TSPAN5: variants seen among roughly 807,000 people sequenced by gnomAD.
TSPAN5 encodes tetraspanin 5, also known as tetraspanin-5.
In TSPAN5, 10 loss-of-function variants were observed where a neutral mutation model predicts 37.1. The observed-to-expected ratio is 0.27, with a 90% confidence interval of 0.17 to 0.46. TSPAN5 has a LOEUF of 0.46. Ranked by LOEUF, TSPAN5 falls within the 20% of genes least tolerant of loss-of-function variation. The probability of loss-of-function intolerance (pLI) is 1.00; values close to 1 mark genes in which losing one functional copy is unlikely to be tolerated. For synonymous variants in TSPAN5, 110 were observed against 118.9 expected (o/e 0.93, Z 0.48); for missense variants, 195 against 326.6 (o/e 0.60, Z 3.11).
At chr4:98,476,095 G>A (rs1752689248) in intron 7 of TSPAN5, 94 bp downstream of exon 7, 1 of 906,256 alleles carries the variant, frequency 1.1e-6, no homozygotes, top group Non-Finnish European at 1.8e-6. Context: ...TAAAAACTAT[G>A]ACAATCAAGG....
intron 2 of TSPAN5, among the ~76,000 whole-genome samples, chr4:98,493,689 A>G (rs4073385): frequency 0.33 from 50,210 of 152,102 alleles, 9,228 homozygotes; most frequent in South Asian, 0.47. Context: ...GAATATATTC[A>G]TAAGAATTCT....
intron 1 of TSPAN5, among the ~76,000 whole-genome samples, chr4:98,541,394 G>A (rs750811848): frequency 2.0e-5 from 3 of 152,148 alleles, no homozygotes; most frequent in Non-Finnish European, 4.4e-5. Flanking sequence ...TGTGGGATAG[G>A]CTGGGCATGG....
intron 1 of TSPAN5, among the ~76,000 whole-genome samples, chr4:98,570,874 G>A (rs544447734): frequency 1.4e-4 from 21 of 151,980 alleles, no homozygotes; most frequent in South Asian, 2.1e-4. Context: ...TGAGCAACGC[G>A]TGCTGGGGCC....
chr4:98,589,168 C>T (rs1755565681), intron 1 of TSPAN5, among the ~76,000 whole-genome samples: 1 of 152,160 alleles, frequency 6.6e-6, no homozygotes, highest in South Asian at 2.1e-4. Flanking sequence ...ATGCTGGAAA[C>T]AAGTGGAAAC....
At chr4:98,563,256 C>T (rs572191653) in intron 1 of TSPAN5, among the ~76,000 whole-genome samples, 2 of 151,938 alleles carry the variant, frequency 1.3e-5, no homozygotes, top group African/African-American at 2.4e-5. Context: ...GAGAAGAAAC[C>T]GGGAGAAGGC....
At chr4:98,581,089 A>G (rs1367125134) in intron 1 of TSPAN5, among the ~76,000 whole-genome samples, 1 of 152,212 alleles carries the variant, frequency 6.6e-6, no homozygotes, top group African/African-American at 2.4e-5. Flanking sequence ...TGGCACTGAG[A>G]GGCCCACCAT....
chr4:98,615,254 C>G (rs972528105), intron 1 of TSPAN5, among the ~76,000 whole-genome samples: 2 of 152,222 alleles, frequency 1.3e-5, no homozygotes, highest in Non-Finnish European at 2.9e-5. Context: ...CCACAACCTT[C>G]CTACAACTGG....
rs1257541381 is a variant in TSPAN5, at chr4:98,472,462, C to G, written c.*60G>C. 6.6e-7 allele frequency: 1 copy of G among 1,513,362 alleles called. No homozygotes were observed. Among genetic ancestry groups the G allele is most frequent in the Non-Finnish European group, 9.1e-7 (1 of 1,092,932 alleles). 93.7% of individuals were successfully genotyped at this position (1,513,362 alleles called of 1,614,324 possible). ...ATGCAGCTCGAAGATCAGTTCGGCA[C>G]GCGGGAGGGTCCCGAAAGCTGGGTC... On this transcript the variant is annotated 3_prime_UTR_variant, in exon 8 of 8. Transcript: ENST00000305798.
chr4:98,546,235 A>T (rs1301137209), intron 1 of TSPAN5, among the ~76,000 whole-genome samples: 1 of 152,186 alleles, frequency 6.6e-6, no homozygotes, highest in African/African-American at 2.4e-5. Flanking sequence ...TCGCTCTTAA[A>T]TCACTATGCT....
intron 1 of TSPAN5, among the ~76,000 whole-genome samples, chr4:98,541,119 C>T (rs1194067879): frequency 1.3e-5 from 2 of 152,138 alleles, no homozygotes; most frequent in Admixed American, 6.6e-5. Flanking sequence ...AACCATCTAC[C>T]TTGTTGGTGC....
intron 1 of TSPAN5, among the ~76,000 whole-genome samples, chr4:98,557,228 A>G (rs1305766754): frequency 2.0e-5 from 3 of 152,246 alleles, no homozygotes; most frequent in Non-Finnish European, 2.9e-5. Flanking sequence ...GTATAGTAAC[A>G]TATAAAATAC....
chr4:98,556,160 T>C (rs1348971021), intron 1 of TSPAN5, among the ~76,000 whole-genome samples: 1 of 151,932 alleles, frequency 6.6e-6, no homozygotes, highest in African/African-American at 2.4e-5. Context: ...TGGCCCCAGA[T>C]GCAGAGACAT....
In TSPAN5 at chr4:98,543,577, G is replaced by A. The variant is rs375077676; in HGVS notation, c.82-35849C>T. ...ATTACAGGCTCCCGACACCACGCCA[G>A]GCTAATTTTTTTTTGTATTTTTAGC... On this transcript the variant is annotated intron_variant, in intron 1 of 7. Coordinates refer to ENST00000305798, the MANE Select transcript of TSPAN5 (RefSeq NM_005723.4). 1.5e-4 allele frequency among the ~76,000 whole-genome samples: 23 copies of A among 151,104 alleles called. No homozygotes were observed. In the East Asian group the frequency reaches 3.9e-3, roughly 26 times the overall value.
At position 98,658,595 on chromosome 4, in the gene TSPAN5, G is replaced by A. The variant is rs939767677; in HGVS notation, c.-369C>T. 1.9e-5 allele frequency: 3 copies of A among 155,294 alleles called. No homozygotes were observed. Among genetic ancestry groups the A allele is most frequent in the East Asian group, 1.9e-4 (1 of 5,270 alleles). 9.6% of individuals were successfully genotyped at this position (155,294 alleles called of 1,614,324 possible). On this transcript the variant is annotated 5_prime_UTR_variant, in exon 1 of 8. Coordinates refer to ENST00000305798, the MANE Select transcript of TSPAN5 (RefSeq NM_005723.4). ...AAAGGCGGCCGCGGCAGATGCTGGT[G>A]GAGACGCCGCTCGCTTGCTCGCCCG... is the stretch of plus-strand genomic sequence containing the variant.
At chr4:98,608,823 C>G (rs909676385) in intron 1 of TSPAN5, among the ~76,000 whole-genome samples, 1 of 152,172 alleles carries the variant, frequency 6.6e-6, no homozygotes, top group Non-Finnish European at 1.5e-5. Context: ...ACTTTTCCCA[C>G]TAAGTCCACA....
At chr4:98,488,685 CAG>C (rs1469789670) in intron 2 of TSPAN5, among the ~76,000 whole-genome samples, 1 of 152,102 alleles carries the variant, frequency 6.6e-6, no homozygotes, top group African/African-American at 2.4e-5. Flanking sequence ...TGAAGGAAAA[CAG>C]AAATACTCAA....
At chr4:98,492,415 CTA>C (rs952044433) in intron 2 of TSPAN5, among the ~76,000 whole-genome samples, 2 of 152,144 alleles carry the variant, frequency 1.3e-5, no homozygotes, top group African/African-American at 2.4e-5. Context: ...CCCTAGAGCT[CTA>C]TGTGTCACTC....
intron 1 of TSPAN5, among the ~76,000 whole-genome samples, chr4:98,582,199 G>C (rs1160068499): frequency 2.0e-5 from 3 of 152,224 alleles, no homozygotes; most frequent in Non-Finnish European, 4.4e-5. Context: ...CCAGCGCATA[G>C]CCGCTGGGCC....
Position 98,476,402 on chromosome 4 carries a change from A to C in TSPAN5, c.624+11T>G. 1.9e-6 allele frequency: 3 copies of C among 1,614,212 alleles called. No homozygotes were observed. The highest frequency in any genetic ancestry group is 2.5e-6 in the Non-Finnish European group (3 of 1,180,034). ...CCTTCGTGCTAAGCAACAACATGAG[A>C]TTCCACTTACTGGTTTTTGCCTGGC... On this transcript the variant is annotated intron_variant, in intron 6 of 7. Transcript: ENST00000305798.
Sources: allele counts gnomAD v4.1 joint callset (sites outside exome capture counted in the v4.1 genomes callset), GRCh38; gene constraint gnomAD v4.1.1; transcripts MANE v1.5; gene names NCBI Gene and HGNC (gene_info 2026-07-23, HGNC 2026-07-21).